GRM1: variants seen among roughly 807,000 people sequenced by gnomAD.
GRM1 encodes glutamate metabotropic receptor 1, also known as metabotropic glutamate receptor 1.
GRM1 carries 33 observed loss-of-function variants against 90.9 expected under a neutral mutation model. The observed-to-expected ratio is 0.36, with a 90% CI of 0.28 to 0.49. The LOEUF is 0.49. Among genes scored for constraint, GRM1 ranks in the 20% least tolerant of loss-of-function variants. The probability of loss-of-function intolerance (pLI) is 0.99; values close to 1 mark genes in which losing one functional copy is unlikely to be tolerated. For synonymous variants in GRM1, 700 were observed against 613.2 expected (o/e 1.14, Z -2.09); for missense variants, 1,190 against 1,534.3 (o/e 0.78, Z 3.75).
In GRM1 at chr6:146,304,803, A is replaced by G. The variant is rs781243275; in HGVS notation, c.1143A>G (p.Pro381=). 2.5e-6 allele frequency: 4 copies of G among 1,613,998 alleles called. No homozygotes were observed. The African/African-American group carries it at 4.0e-5, about 16-fold the overall frequency. The stretch of plus-strand genomic sequence containing the variant: ...AACATCGGTTCCAGTGCCGCCTTCC[A>G]GGACACCTTCTGGAAAATCCCAACT... The part of the protein sequence containing the change: ...FWQHRFQCRL[P]GHLLENPNFK... Residue 381 remains proline, a synonymous_variant, in exon 3 of 8, where the codon CCA becomes CCG. Transcript: ENST00000282753.
intron 1 of GRM1, among the ~76,000 whole-genome samples, chr6:146,083,967 T>G (rs1295278890): frequency 6.6e-6 from 1 of 152,176 alleles, no homozygotes. Flanking sequence ...CTTGGGAGGG[T>G]GTATGTGTCC....
At chr6:146,219,193 T>C (rs1031416454) in intron 2 of GRM1, among the ~76,000 whole-genome samples, 16 of 152,154 alleles carry the variant, frequency 1.1e-4, no homozygotes, top group African/African-American at 2.9e-4. Context: ...TTTGAAGTAG[T>C]TTTTTAAAAG....
intron 3 of GRM1, among the ~76,000 whole-genome samples, chr6:146,306,157 T>C (rs1043528232): frequency 6.6e-6 from 1 of 152,136 alleles, no homozygotes. Flanking sequence ...TCAGTGTGGC[T>C]TCTAGGGAGG....
At chr6:146,343,171 A>C (rs1467807116) in intron 3 of GRM1, among the ~76,000 whole-genome samples, 2 of 152,040 alleles carry the variant, frequency 1.3e-5, no homozygotes, top group African/African-American at 4.8e-5. Context: ...TATTTCTCAT[A>C]GTTCAGTTGG....
intron 1 of GRM1, among the ~76,000 whole-genome samples, chr6:146,087,593 C>G (rs890286980): frequency 2.6e-5 from 4 of 152,154 alleles, no homozygotes; most frequent in African/African-American, 9.7e-5. Flanking sequence ...CACCCACACT[C>G]TCCACGCTTA....
chr6:146,277,015 G>A (rs184100215), intron 2 of GRM1, among the ~76,000 whole-genome samples: 12 of 152,200 alleles, frequency 7.9e-5, no homozygotes, highest in Non-Finnish European at 1.3e-4. Flanking sequence ...GGCTGAGGTG[G>A]GAGAACAGCC....
chr6:146,172,678 G>T (rs1425435602), intron 2 of GRM1, among the ~76,000 whole-genome samples: 1 of 152,190 alleles, frequency 6.6e-6, no homozygotes, highest in African/African-American at 2.4e-5. Context: ...TCTTAGCACA[G>T]TGATACTCAA....
intron 2 of GRM1, among the ~76,000 whole-genome samples, chr6:146,247,853 A>G (rs974962617): frequency 6.7e-6 from 1 of 148,260 alleles, no homozygotes; most frequent in Non-Finnish European, 1.5e-5. Context: ...TAACCATGTA[A>G]CAATATATAC....
At chr6:146,212,409 C>A (rs1246795159) in intron 2 of GRM1, among the ~76,000 whole-genome samples, 2 of 152,184 alleles carry the variant, frequency 1.3e-5, no homozygotes, top group African/African-American at 4.8e-5. Flanking sequence ...CCTTCTAATT[C>A]TCAGTATAAC....
At position 146,398,754 on chromosome 6, in the gene GRM1, T is replaced by G; in HGVS notation, c.1730-15T>G. 6.3e-7 allele frequency: 1 copy of G among 1,578,930 alleles called. No individual in the cohort carries two copies. On this transcript the variant is annotated splice_polypyrimidine_tract_variant and intron_variant, in intron 6 of 7. Coordinates refer to ENST00000282753, the MANE Select transcript of GRM1 (RefSeq NM_001278064.2). The stretch of plus-strand genomic sequence containing the variant: ...AAACCTTGGATTCATGCTCAAATGA[T>G]TTTTCTCATCACAGGCTGTGAGCCC...
chr6:146,123,037 G>A (rs898061579), intron 1 of GRM1, among the ~76,000 whole-genome samples: 7 of 151,362 alleles, frequency 4.6e-5, no homozygotes, highest in African/African-American at 1.7e-4. Context: ...TAGAGATGGG[G>A]TTTCACCATG....
intron 1 of GRM1, among the ~76,000 whole-genome samples, chr6:146,086,718 C>T (rs1776558336): frequency 6.6e-6 from 1 of 152,042 alleles, no homozygotes; most frequent in Non-Finnish European, 1.5e-5. Context: ...CTTAGTCTGT[C>T]TTCTGGGACA....
At chr6:146,409,537 C>T (rs767166135) in intron 7 of GRM1, among the ~76,000 whole-genome samples, 11 of 151,978 alleles carry the variant, frequency 7.2e-5, no homozygotes, top group Non-Finnish European at 1.3e-4. Flanking sequence ...TAAGAAAAGA[C>T]GAACATTAAG....
At chr6:146,035,097 A>G (rs1241637466) in intron 1 of GRM1, among the ~76,000 whole-genome samples, 1 of 152,014 alleles carries the variant, frequency 6.6e-6, no homozygotes, top group Non-Finnish European at 1.5e-5. Context: ...TTTTGTTTGG[A>G]AACATAGCAT....
chr6:146,388,484 A>T (rs1021721268), intron 6 of GRM1, among the ~76,000 whole-genome samples: 2 of 152,110 alleles, frequency 1.3e-5, no homozygotes, highest in Non-Finnish European at 2.9e-5. Flanking sequence ...ACGTAACTAA[A>T]ATTATACTAA....
At chr6:146,107,500 C>T (rs1252823147) in intron 1 of GRM1, among the ~76,000 whole-genome samples, 1 of 152,088 alleles carries the variant, frequency 6.6e-6, no homozygotes, top group Non-Finnish European at 1.5e-5. Flanking sequence ...TATTACTGGC[C>T]TGAGGTGGCT....
intron 2 of GRM1, among the ~76,000 whole-genome samples, chr6:146,233,266 C>A (rs536999433): frequency 7.9e-5 from 12 of 152,188 alleles, no homozygotes; most frequent in Admixed American, 6.6e-5. Context: ...CTAAGCATTG[C>A]TTTAGCTGCA....
intron 2 of GRM1, among the ~76,000 whole-genome samples, chr6:146,168,112 T>C (rs1327608038): frequency 1.3e-5 from 2 of 152,006 alleles, no homozygotes; most frequent in African/African-American, 4.8e-5. Flanking sequence ...AACATTTTAC[T>C]AGAAGAAATA....
intron 7 of GRM1, among the ~76,000 whole-genome samples, chr6:146,414,475 C>T (rs1272556387): frequency 6.6e-6 from 1 of 151,820 alleles, no homozygotes; most frequent in Admixed American, 6.6e-5. Context: ...ACGATCTCGG[C>T]GCACTGCAAG....
Sources: allele counts gnomAD v4.1 joint callset (sites outside exome capture counted in the v4.1 genomes callset), GRCh38; gene constraint gnomAD v4.1.1; transcripts MANE v1.5; gene names NCBI Gene and HGNC (gene_info 2026-07-23, HGNC 2026-07-21).